TMC3: variants seen among roughly 807,000 people sequenced by gnomAD.
The protein encoded by TMC3 is transmembrane channel-like protein 3.
Under a neutral mutation model 110.6 loss-of-function variants are expected in TMC3, and 98 were observed. The observed-to-expected ratio is 0.89, with a 90% CI of 0.75 to 1.05. The LOEUF (loss-of-function observed/expected upper bound fraction) is 1.05. Among genes scored for constraint, TMC3 ranks in the 50% least tolerant of loss-of-function variants. TMC3 has a pLI of 0.00. For missense variants in TMC3, 1,319 were observed against 1,373.2 expected (o/e 0.96, Z 0.62); for synonymous variants, 489 against 513.1 (o/e 0.95, Z 0.63).
chr15:81,372,476 A>T, intron 2 of TMC3, 115 bp downstream of exon 2: 1 of 1,344,430 alleles, frequency 7.4e-7, no homozygotes, highest in Non-Finnish European at 1.0e-6. Flanking sequence ...TCAGGTCAAG[A>T]GTGACTGAGC....
chr15:81,374,210 G>A lies in TMC3; in HGVS notation c.-133C>T. The A allele has an allele frequency of 1.4e-6, 1 of 729,244 alleles. No individual in the cohort carries two copies. The highest frequency in any genetic ancestry group is 2.4e-6 in the Non-Finnish European group (1 of 423,346). The allele number at this position is 729,244 out of a possible 1,614,324, so 45.2% of individuals were successfully genotyped here. A position where few individuals can be genotyped will look rare whatever the true frequency, so the allele number is the denominator to read the frequency against. ...CCCGCTAGTTCTCAGGAAGAAGACTGTGTGCTTGCAGCTGGTGCTCTGAGC... is the reference window on the plus strand; with the variant it reads ...CCCGCTAGTTCTCAGGAAGAAGACTATGTGCTTGCAGCTGGTGCTCTGAGC... On this transcript the variant is annotated 5_prime_UTR_variant, in exon 1 of 22. Transcript: ENST00000359440.
At position 81,374,150 on chromosome 15, in the gene TMC3, G is replaced by A. The variant is rs779935363; in HGVS notation, c.-73C>T. 6 of 1,381,468 alleles carry A rather than the reference G, an allele frequency of 4.3e-6. No homozygotes were observed. The highest frequency in any genetic ancestry group is 1.2e-5 in the South Asian group (1 of 82,402). The allele number at this position is 1,381,468 out of a possible 1,614,324, so 85.6% of individuals were successfully genotyped here. On this transcript the variant is annotated 5_prime_UTR_variant, in exon 1 of 22. Coordinates refer to ENST00000359440, the MANE Select transcript of TMC3 (RefSeq NM_001080532.3). The stretch of plus-strand genomic sequence containing the variant: ...AAGTTGGCAGGCAAAGGTCTGTTCC[G>A]AGGTTTCTGAATGGAAGCAGCGGAG...
At chr15:81,346,868 A>G (rs1184435944) in intron 11 of TMC3, among the ~76,000 whole-genome samples, 1 of 152,220 alleles carries the variant, frequency 6.6e-6, no homozygotes, top group East Asian at 1.9e-4. Flanking sequence ...AGTGTATTGA[A>G]GCGCAGAGGG....
intron 4 of TMC3, among the ~76,000 whole-genome samples, chr15:81,361,097 T>A (rs1336229885): frequency 6.6e-6 from 1 of 152,084 alleles, no homozygotes; most frequent in Non-Finnish European, 1.5e-5. Flanking sequence ...TGCCAGCATA[T>A]CAAAGTGCTT....
At chr15:81,351,148 G>A (rs1044232256) in intron 10 of TMC3, among the ~76,000 whole-genome samples, 2 of 152,150 alleles carry the variant, frequency 1.3e-5, no homozygotes, top group South Asian at 2.1e-4. Context: ...CGGTGTAAAT[G>A]CTTGAAGGTG....
intron 4 of TMC3, among the ~76,000 whole-genome samples, chr15:81,360,974 T>C (rs888351008): frequency 4.2e-5 from 6 of 142,090 alleles, no homozygotes; most frequent in Admixed American, 1.4e-4. Flanking sequence ...GGTTTTCTCT[T>C]TTTTTTTTTT....
Position 81,362,234 on chromosome 15 carries a change from A to G in TMC3, c.380T>C (p.Ile127Thr), listed in dbSNP as rs1596093505. The change falls in exon 4 of 22, where the codon ATA becomes ACA. Residue 127 changes from isoleucine to threonine, a missense_variant. Ile to Thr is a moderately conservative substitution (Grantham distance 89, BLOSUM62 -1). Coordinates refer to ENST00000359440, the MANE Select transcript of TMC3 (RefSeq NM_001080532.3). ...VVIFIPWEMR[I>T]KKIESHFGSG... is the part of the protein sequence containing the mutation. ...TAAATACTTACTCTCGATTTTCTTTATCCTCATTTCCCAGGGAATGAAGAT... is the reference window on the plus strand; with the variant it reads ...TAAATACTTACTCTCGATTTTCTTTGTCCTCATTTCCCAGGGAATGAAGAT... 2.5e-6 allele frequency: 4 copies of G among 1,610,530 alleles called. No individual in the cohort carries two copies. The highest frequency in any genetic ancestry group is 3.4e-6 in the Non-Finnish European group (4 of 1,178,204).
At chr15:81,370,328 A>G (rs1894406105) in intron 2 of TMC3, among the ~76,000 whole-genome samples, 1 of 152,180 alleles carries the variant, frequency 6.6e-6, no homozygotes, top group African/African-American at 2.4e-5. Context: ...CAGCAAGTCC[A>G]ATGAGGGAAG....
chr15:81,357,414 C>G (rs1052437317), intron 7 of TMC3, among the ~76,000 whole-genome samples: 1 of 151,854 alleles, frequency 6.6e-6, no homozygotes, highest in African/African-American at 2.4e-5. Flanking sequence ...GATGAACCAG[C>G]GTGGGTGGGG....
chr15:81,333,097 C>A lies in TMC3; in HGVS notation c.2625G>T (p.Leu875Phe). 1 of 1,614,022 alleles carries A rather than the reference C, an allele frequency of 6.2e-7. No homozygotes were observed. Among genetic ancestry groups the A allele is most frequent in the East Asian group, 2.2e-5 (1 of 44,888 alleles). ...PPHRGPQAST[L>F]LAQGPRPHAP... ...CGTGGGGCCTGGGACCCTGTGCCAG[C>A]AAAGTCGAGGCCTGTGGTCCACGGT... The change falls in exon 22 of 22, where the codon TTG (leucine) becomes TTT (phenylalanine). Residue 875 changes from leucine to phenylalanine, a missense_variant. Physicochemically the swap from Leu to Phe is conservative, Grantham distance 22 (BLOSUM62 0). Transcript: ENST00000359440.
intron 4 of TMC3, chr15:81,361,966 A>G (rs1894196501): frequency 3.2e-6 from 1 of 308,820 alleles, no homozygotes; most frequent in African/African-American, 2.1e-5. Flanking sequence ...GACTGAAGGA[A>G]TGAACTGGGA....
intron 3 of TMC3, 119 bp downstream of exon 3, chr15:81,368,134 C>T (rs1386197750): frequency 5.9e-6 from 4 of 681,264 alleles, no homozygotes; most frequent in South Asian, 3.3e-5. Context: ...GGGGTTTCAC[C>T]GTGTTAGCCA....
rs373480960 is a variant in TMC3, at chr15:81,351,805, G to A, written c.972C>T (p.Ile324=). 1,441 of 1,611,586 alleles carry A rather than the reference G, an allele frequency of 8.9e-4. 1 individual carries two copies. The highest frequency in any genetic ancestry group is 1.1e-3 in the Non-Finnish European group (1,277 of 1,178,984). Residue 324 remains isoleucine, a synonymous_variant, in exon 10 of 22, where the codon ATC becomes ATT. Coordinates refer to ENST00000359440, the MANE Select transcript of TMC3 (RefSeq NM_001080532.3). ...VTICLRIIAN[I]LVLLSLAGSI... is the part of the protein sequence containing the mutation. ...TCCCAGCCAGTGAGAGAAGCACCAGGATGTTGGCAATAATCCTCAGGCAGA... is the reference window on the plus strand; with the variant it reads ...TCCCAGCCAGTGAGAGAAGCACCAGAATGTTGGCAATAATCCTCAGGCAGA...
At chr15:81,354,541 G>T (rs778897387) in intron 9 of TMC3, among the ~76,000 whole-genome samples, 5 of 152,166 alleles carry the variant, frequency 3.3e-5, no homozygotes, top group Non-Finnish European at 7.3e-5. Flanking sequence ...GATCTTGTGG[G>T]TTCCCTATGC....
rs115008894 is a variant in TMC3, at chr15:81,356,133, C to T, written c.891+314G>A. Among the ~76,000 whole-genome samples, 1,126 of 152,122 alleles carry T rather than the reference C, an allele frequency of 7.4e-3. 17 individuals carry two copies. Among genetic ancestry groups the T allele is most frequent in the African/African-American group, 0.025 (1,042 of 41,468 alleles). ...CCTATATCCCTCACATATATGTATT[C>T]GCTCATTTTCAGGTTATATACATGC... On this transcript the variant is annotated intron_variant, in intron 8 of 21. Transcript: ENST00000359440.
chr15:81,349,838 G>A (rs2141706132), intron 10 of TMC3, among the ~76,000 whole-genome samples: 1 of 148,466 alleles, frequency 6.7e-6, no homozygotes, highest in East Asian at 2.0e-4. Context: ...ACTAGGCCAG[G>A]TGCTGTGGCT....
chr15:81,372,870 CGTGTGTGTGTGT>C (rs58420711), intron 1 of TMC3, 133 bp from the exon 2 acceptor site: 82 of 555,616 alleles, frequency 1.5e-4, no homozygotes, highest in Non-Finnish European at 1.4e-4. Flanking sequence ...TGTGTTTGTG[CGTGTGTGTGTGT>C]GTGTGTGTGT....
intron 17 of TMC3, among the ~76,000 whole-genome samples, chr15:81,339,179 A>G (rs540096279): frequency 6.6e-6 from 1 of 152,316 alleles, no homozygotes; most frequent in East Asian, 1.9e-4. Flanking sequence ...TCACTTTAAA[A>G]GGATTGTGTT....
chr15:81,332,609 AG>A lies in TMC3; in HGVS notation c.3112del (p.Leu1038SerfsTer51), dbSNP rs758160298. On this transcript the variant is annotated frameshift_variant, in exon 22 of 22. Coordinates refer to ENST00000359440, the MANE Select transcript of TMC3 (RefSeq NM_001080532.3). LOFTEE classifies it low-confidence loss of function (END_TRUNC). ...TGCCGACACGGAGTCAGATTCCGTG[AG>A]GGATGGCTCGAACCTGGGCTTCCCT... is the stretch of plus-strand genomic sequence containing the variant. ...PRGKPRFEPS[L>X]TESDSVSAAS... is the part of the protein sequence containing the mutation. 6.2e-7 allele frequency: 1 copy of A among 1,613,858 alleles called. No individual in the cohort carries two copies. Among genetic ancestry groups the A allele is most frequent in the South Asian group, 1.1e-5 (1 of 91,062 alleles).
Sources: gnomAD v4.1 joint callset for allele counts (sites outside exome capture counted in the v4.1 genomes callset) on GRCh38, gnomAD v4.1.1 for gene constraint, MANE v1.5 for transcripts, NCBI Gene and HGNC (gene_info 2026-07-23, HGNC 2026-07-21) for gene names.